The following MED13L variants were observed in gnomAD, a reference collection of about 807,000 sequenced individuals.
The protein encoded by MED13L is mediator complex subunit 13L.
A neutral mutation model predicts 220.9 loss-of-function variants in MED13L; 7 were observed. That is an observed-to-expected ratio of 0.03 (90% confidence interval 0.02 to 0.06). MED13L has a LOEUF of 0.06. MED13L is among the 10% of genes least tolerant of loss of function. The pLI, the probability that MED13L is intolerant of heterozygous loss-of-function variation, is 1.00. For synonymous variants in MED13L, 1,011 were observed against 1,015.2 expected, an observed-to-expected ratio of 1.00 and a Z score of 0.08; for missense variants, 1,965 against 2,760.5, an observed-to-expected ratio of 0.71 and a Z score of 6.46.
At chr12:116,046,240 C>T (rs1185284615) in intron 4 of MED13L, among the ~76,000 whole-genome samples, 1 of 151,816 alleles carries the variant, frequency 6.6e-6, no homozygotes, top group Non-Finnish European at 1.5e-5. Context: ...GCTGAATCAG[C>T]TAATTTTGAA....
chr12:115,989,655 A>G (rs1877925904), intron 17 of MED13L, among the ~76,000 whole-genome samples: 1 of 152,176 alleles, frequency 6.6e-6, no homozygotes. Flanking sequence ...AACTCAATTT[A>G]TAAACTTTCT....
chr12:116,090,593 G>A lies in MED13L; in HGVS notation c.479+6076C>T, dbSNP rs369270015. Among the ~76,000 whole-genome samples, 51 of 152,076 alleles carry A rather than the reference G, an allele frequency of 3.4e-4. No individual in the cohort carries two copies. The East Asian group carries it at 6.2e-3, about 18-fold the overall frequency. On this transcript the variant is annotated intron_variant, in intron 4 of 30. Coordinates refer to ENST00000281928, the MANE Select transcript of MED13L (RefSeq NM_015335.5). ...GACTTCACCAACTTCACTTCACTTA[G>A]AGAATCAGAGAATCAGAAAGCTAAA... is the stretch of plus-strand genomic sequence containing the variant.
intron 2 of MED13L, among the ~76,000 whole-genome samples, chr12:116,208,769 C>T (rs1882512761): frequency 6.6e-6 from 1 of 152,148 alleles, no homozygotes; most frequent in Non-Finnish European, 1.5e-5. Context: ...AGTTCAAAAC[C>T]AGCCTTGGCA....
chr12:116,097,342 C>T (rs1401051289), intron 3 of MED13L, among the ~76,000 whole-genome samples: 1 of 152,118 alleles, frequency 6.6e-6, no homozygotes, highest in Non-Finnish European at 1.5e-5. Flanking sequence ...GACGGGGTCT[C>T]ACCATGTTGG....
intron 29 of MED13L, among the ~76,000 whole-genome samples, chr12:115,965,433 A>G (rs1360291716): frequency 6.6e-6 from 1 of 151,806 alleles, no homozygotes; most frequent in Non-Finnish European, 1.5e-5. Flanking sequence ...TATATCATTC[A>G]GCAATCCCAC....
chr12:116,119,003 T>C (rs539711090), intron 2 of MED13L, among the ~76,000 whole-genome samples: 36 of 152,302 alleles, frequency 2.4e-4, no homozygotes, highest in Middle Eastern at 6.8e-3. Flanking sequence ...AAGCTTTGAA[T>C]TAGGCACTAC....
chr12:116,081,191 T>C (rs945000861), intron 4 of MED13L, among the ~76,000 whole-genome samples: 3 of 152,232 alleles, frequency 2.0e-5, no homozygotes, highest in Non-Finnish European at 2.9e-5. Context: ...CTTATATTCT[T>C]TTATACATTT....
chr12:116,153,288 C>G (rs1878194235), intron 2 of MED13L, among the ~76,000 whole-genome samples: 1 of 152,100 alleles, frequency 6.6e-6, no homozygotes, highest in Non-Finnish European at 1.5e-5. Flanking sequence ...AGATTGCTCA[C>G]CTTTCTCAGT....
chr12:116,134,047 T>C (rs929332694), intron 2 of MED13L, among the ~76,000 whole-genome samples: 4 of 152,200 alleles, frequency 2.6e-5, no homozygotes, highest in African/African-American at 9.7e-5. Flanking sequence ...CTGGTCCCTA[T>C]TGTGCCCTGT....
intron 2 of MED13L, among the ~76,000 whole-genome samples, chr12:116,205,526 G>T: frequency 1.1e-5 from 1 of 89,498 alleles, no homozygotes; most frequent in Admixed American, 1.2e-4. Flanking sequence ...AAAAAACAAA[G>T]GAAGAGAAAA....
At chr12:116,096,066 T>G (rs1441375647) in intron 4 of MED13L, among the ~76,000 whole-genome samples, 2 of 151,874 alleles carry the variant, frequency 1.3e-5, no homozygotes, top group Non-Finnish European at 2.9e-5. Flanking sequence ...AAAAAATCAA[T>G]GATGAGGCCG....
intron 20 of MED13L, 58 bp from the exon 21 acceptor site, chr12:115,983,598 C>A: frequency 1.3e-6 from 2 of 1,572,188 alleles, no homozygotes; most frequent in South Asian, 2.2e-5. Flanking sequence ...TCGGACTGAA[C>A]CAGAATCTAG....
At chr12:115,966,960 T>A (rs1876208650) in intron 28 of MED13L, among the ~76,000 whole-genome samples, 1 of 151,826 alleles carries the variant, frequency 6.6e-6, no homozygotes, top group African/African-American at 2.4e-5. Flanking sequence ...TCACTTGAGG[T>A]CAGAATTTCG....
chr12:116,258,412 G>C lies in MED13L; in HGVS notation c.72+18648C>G, dbSNP rs546435768. On this transcript the variant is annotated intron_variant, in intron 1 of 30. Coordinates refer to ENST00000281928, the MANE Select transcript of MED13L (RefSeq NM_015335.5). ...CTTTACAAACAGCAAAAGCTCTGAGGTGAGAACATGTAAAGGTCTGACTTG... is the reference window on the plus strand; with the variant it reads ...CTTTACAAACAGCAAAAGCTCTGAGCTGAGAACATGTAAAGGTCTGACTTG... Among the ~76,000 whole-genome samples, 99 of 152,302 alleles carry C rather than the reference G, an allele frequency of 6.5e-4. 1 individual carries two copies. The highest frequency in any genetic ancestry group is 2.3e-3 in the African/African-American group (95 of 41,578).
At chr12:115,971,057 C>T (rs1473873971) in intron 26 of MED13L, among the ~76,000 whole-genome samples, 1 of 152,074 alleles carries the variant, frequency 6.6e-6, no homozygotes. Flanking sequence ...AAATAAACAC[C>T]CTACTTTCTT....
intron 1 of MED13L, among the ~76,000 whole-genome samples, chr12:116,265,960 T>C (rs938839140): frequency 6.6e-6 from 1 of 152,236 alleles, no homozygotes; most frequent in Admixed American, 6.5e-5. Flanking sequence ...CAAAGTATTA[T>C]CAGATATTAT....
chr12:115,964,146 T>C lies in MED13L; in HGVS notation c.6388-627A>G, dbSNP rs185466108. On this transcript the variant is annotated intron_variant, in intron 29 of 30. Transcript: ENST00000281928. The stretch of plus-strand genomic sequence containing the variant: ...AACCCTCCCCACAAAAAAACAAATA[T>C]TGTATTATTTTGCTTGTAAAAAGTC... Among the ~76,000 whole-genome samples the C allele has an allele frequency of 2.3e-3, 351 of 152,152 alleles. 1 individual carries two copies. The highest frequency in any genetic ancestry group is 8.2e-3 in the African/African-American group (341 of 41,510).
chr12:116,103,433 T>C (rs1171934271), intron 3 of MED13L, among the ~76,000 whole-genome samples: 11 of 152,136 alleles, frequency 7.2e-5, no homozygotes, highest in Admixed American at 7.2e-4. Context: ...CTTTATTTTT[T>C]ATTTCTTTAG....
At chr12:116,240,941 T>C (rs1040320848) in intron 1 of MED13L, among the ~76,000 whole-genome samples, 12 of 152,278 alleles carry the variant, frequency 7.9e-5, no homozygotes, top group Middle Eastern at 3.4e-3. Context: ...CTAACTTCTT[T>C]TATCACCTAA....
Sources: allele counts gnomAD v4.1 joint callset (sites outside exome capture counted in the v4.1 genomes callset), GRCh38; gene constraint gnomAD v4.1.1; transcripts MANE v1.5; gene names NCBI Gene and HGNC (gene_info 2026-07-23, HGNC 2026-07-21).